The following PLEKHG4B variants were observed in gnomAD, a reference collection of about 807,000 sequenced individuals.
The protein encoded by PLEKHG4B is pleckstrin homology domain-containing family G member 4B.
In PLEKHG4B, 111 loss-of-function variants were observed where a neutral mutation model predicts 121.3. The observed-to-expected ratio is 0.92, with a 90% CI of 0.78 to 1.07. The LOEUF (loss-of-function observed/expected upper bound fraction) is 1.07, where lower values mean the gene tolerates loss of function less well. PLEKHG4B is among the 50% of genes least tolerant of loss of function. The pLI is 0.00. For synonymous variants in PLEKHG4B, 738 were observed against 725.0 expected, an observed-to-expected ratio of 1.02 and a Z score of -0.29; for missense variants, 1,831 against 1,757.8, an observed-to-expected ratio of 1.04 and a Z score of -0.74.
At chr5:168,903 C>T (rs1301803443) in intron 13 of PLEKHG4B, 6 of 138,272 alleles carry the variant, frequency 4.3e-5, no homozygotes, top group African/African-American at 1.7e-4. Flanking sequence ...GAGTCTCACT[C>T]TGTCACCAGG....
Position 163,192 on chromosome 5 carries a change from CAG to C in PLEKHG4B, c.3121_3122del (p.Arg1041GlyfsTer21), listed in dbSNP as rs757260977. On this transcript the variant is annotated frameshift_variant, in exon 13 of 20. Transcript: ENST00000637938. LOFTEE classifies it high-confidence loss of function. ...CALWDPLSLLRGLPGAGATTA... is the reference protein window; with the variant it reads ...CALWDPLSLLXGLPGAGATTA... ...CTCTGTGGGACCCACTGTCCCTCCT[CAG>C]GGGCCTTCCAGGGGCAGGGGCCACC... 6.9e-6 allele frequency: 11 copies of C among 1,584,590 alleles called. No homozygotes were observed. In the Admixed American group the frequency reaches 1.2e-4, roughly 18 times the overall value.
chr5:109,657 T>C (rs1011595874), intron 1 of PLEKHG4B, among the ~76,000 whole-genome samples: 5 of 152,190 alleles, frequency 3.3e-5, no homozygotes, highest in African/African-American at 9.7e-5. Context: ...AACTTTAAAA[T>C]GTTACCCTCG....
At chr5:120,717 G>A (rs1380434908) in intron 2 of PLEKHG4B, among the ~76,000 whole-genome samples, 2 of 152,180 alleles carry the variant, frequency 1.3e-5, no homozygotes, top group African/African-American at 2.4e-5. Flanking sequence ...AAACATGCCT[G>A]CATTAGACAA....
At chr5:128,481 T>C (rs1734685645) in intron 2 of PLEKHG4B, among the ~76,000 whole-genome samples, 1 of 152,180 alleles carries the variant, frequency 6.6e-6, no homozygotes, top group Admixed American at 6.5e-5. Context: ...TGATCCACTG[T>C]ATTTGGATGA....
intron 6 of PLEKHG4B, among the ~76,000 whole-genome samples, chr5:150,279 T>C (rs1735564510): frequency 6.6e-6 from 1 of 152,318 alleles, no homozygotes; most frequent in Middle Eastern, 3.4e-3. Context: ...AACATTCCAC[T>C]TCTATGAGTA....
intron 5 of PLEKHG4B, 128 bp downstream of exon 5, chr5:143,631 T>C: frequency 1.7e-6 from 2 of 1,146,730 alleles, no homozygotes; most frequent in Non-Finnish European, 1.2e-6. Flanking sequence ...ACCTCATCTT[T>C]CAGAGCAGTC....
intron 6 of PLEKHG4B, among the ~76,000 whole-genome samples, chr5:150,257 C>T (rs1291515838): frequency 6.6e-6 from 1 of 152,170 alleles, no homozygotes; most frequent in Non-Finnish European, 1.5e-5. Flanking sequence ...ATAAGCCAAT[C>T]ACAAAAAGAC....
Position 151,585 on chromosome 5 carries a change from GATGCA to G in PLEKHG4B, c.1981_1985del (p.Ala661AsnfsTer4), listed in dbSNP as rs1347881454. ...AGAATCTGCATTTAGGCCTGACAAGGATGCAATAATTCAGGTAATGGTTTAGACTG... is the reference window on the plus strand; with the variant it reads ...AGAATCTGCATTTAGGCCTGACAAGGATAATTCAGGTAATGGTTTAGACTG... On this transcript the variant is annotated frameshift_variant, in exon 7 of 20. Transcript: ENST00000637938. LOFTEE classifies it high-confidence loss of function. The G allele has an allele frequency of 2.5e-6, 4 of 1,584,544 alleles. No homozygotes were observed. The highest frequency in any genetic ancestry group is 3.5e-6 in the Non-Finnish European group (4 of 1,154,712).
chr5:155,067 T>A (rs766796365), intron 8 of PLEKHG4B, 76 bp downstream of exon 8: 12 of 1,277,816 alleles, frequency 9.4e-6, no homozygotes, highest in African/African-American at 2.9e-5. Flanking sequence ...TTTACTAGAA[T>A]TTGAAAAGGG....
Position 167,692 on chromosome 5 carries a change from T to C in PLEKHG4B, c.3477-1648T>C, listed in dbSNP as rs555176984. Among the ~76,000 whole-genome samples, 109 of 152,002 alleles carry C rather than the reference T, an allele frequency of 7.2e-4. 1 individual carries two copies. The highest frequency in any genetic ancestry group is 2.4e-3 in the African/African-American group (101 of 41,456). ...ACCCAGAGAACCTTCTCCTGGAGAG[T>C]CCCGCCGCCCAGGCCAGGCTTTGGC... On this transcript the variant is annotated intron_variant, in intron 13 of 19. Coordinates refer to ENST00000637938, the MANE Select transcript of PLEKHG4B (RefSeq NM_052909.5).
intron 2 of PLEKHG4B, among the ~76,000 whole-genome samples, chr5:138,999 C>G (rs532123347): frequency 1.5e-4 from 23 of 152,374 alleles, no homozygotes; most frequent in Admixed American, 7.8e-4. Flanking sequence ...CCGCACCCCT[C>G]GCTAAGGAGG....
intron 18 of PLEKHG4B, among the ~76,000 whole-genome samples, chr5:179,992 A>C (rs1488664111): frequency 6.6e-6 from 1 of 152,182 alleles, no homozygotes; most frequent in Admixed American, 6.5e-5. Context: ...TTCCTGCCAC[A>C]TTAATCCTGG....
Position 140,035 on chromosome 5 carries a change from C to T in PLEKHG4B, c.796C>T (p.Leu266Phe), listed in dbSNP as rs1735106893. Residue 266 changes from leucine to phenylalanine, a missense_variant, in exon 3 of 20, where the codon CTT (leucine) becomes TTT (phenylalanine). Physicochemically the swap from Leu to Phe is conservative, Grantham distance 22. Coordinates refer to ENST00000637938, the MANE Select transcript of PLEKHG4B (RefSeq NM_052909.5). ...GHTGSDQLRH[L>F]PYPERAELGS... The stretch of plus-strand genomic sequence containing the variant: ...TACGGGCAGCGACCAGCTCAGGCAC[C>T]TTCCTTATCCAGAAAGAGCCGAGCT... 2.3e-6 allele frequency: 1 copy of T among 428,118 alleles called. No individual in the cohort carries two copies. The allele number at this position is 428,118 out of a possible 1,614,324, so 26.5% of individuals were successfully genotyped here.
chr5:98,746 TA>T (rs1733703882), intron 1 of PLEKHG4B, among the ~76,000 whole-genome samples: 1 of 147,842 alleles, frequency 6.8e-6, no homozygotes, highest in African/African-American at 2.5e-5. Context: ...GTGCTGGGAT[TA>T]CAGGCGTGAG....
rs554382772 is a variant in PLEKHG4B at position 172,147 on chromosome 5, A to G, written c.4050+703A>G. On this transcript the variant is annotated intron_variant, in intron 16 of 19. Coordinates refer to ENST00000637938, the MANE Select transcript of PLEKHG4B (RefSeq NM_052909.5). ...AAGGCAGGCCCATCTCGGGCCCCCA[A>G]CACCGACGGAATCGGGGCTGCTTCT... Among the ~76,000 whole-genome samples, 710 of 136,784 alleles carry G rather than the reference A, an allele frequency of 5.2e-3. 7 individuals are homozygous for G. Among genetic ancestry groups the G allele is most frequent in the African/African-American group, 0.017 (678 of 40,528 alleles). 89.7% of individuals were successfully genotyped at this position (136,784 alleles called of 152,430 possible).
intron 1 of PLEKHG4B, among the ~76,000 whole-genome samples, chr5:104,224 A>G (rs1016211048): frequency 6.7e-6 from 1 of 149,556 alleles, no homozygotes; most frequent in African/African-American, 2.5e-5. Flanking sequence ...CGATTCCTAA[A>G]CAACCTCAGC....
chr5:146,898 C>T (rs1233880603), intron 6 of PLEKHG4B, among the ~76,000 whole-genome samples: 3 of 151,872 alleles, frequency 2.0e-5, no homozygotes, highest in Non-Finnish European at 4.4e-5. Context: ...TTCTTACTTT[C>T]GCAGTACGTG....
intron 16 of PLEKHG4B, among the ~76,000 whole-genome samples, chr5:172,194 T>C (rs1357586374): frequency 1.3e-5 from 2 of 152,240 alleles, no homozygotes; most frequent in Non-Finnish European, 2.9e-5. Context: ...TAGTCAGTCT[T>C]CCTGGTCACT....
chr5:108,394 G>A (rs576912561), intron 1 of PLEKHG4B, among the ~76,000 whole-genome samples: 1 of 152,318 alleles, frequency 6.6e-6, no homozygotes, highest in South Asian at 2.1e-4. Context: ...AGCGTCTTCA[G>A]CATCTCCAGC....
Sources: gnomAD v4.1 joint callset for allele counts (sites outside exome capture counted in the v4.1 genomes callset) on GRCh38, gnomAD v4.1.1 for gene constraint, MANE v1.5 for transcripts, NCBI Gene and HGNC (gene_info 2026-07-23, HGNC 2026-07-21) for gene names.